Variants in ENTPD5 observed in about 807,000 individuals in gnomAD.
ENTPD5 encodes nucleoside diphosphate phosphatase ENTPD5.
ENTPD5 carries 49 observed loss-of-function variants against 60.2 expected under a neutral mutation model. That is an observed-to-expected ratio of 0.81 (90% CI 0.65 to 1.03). The LOEUF is 1.03. ENTPD5 is among the 50% of genes least tolerant of loss of function. The pLI, the probability that ENTPD5 is intolerant of heterozygous loss-of-function variation, is 0.00. For synonymous variants in ENTPD5, 187 were observed against 185.4 expected (o/e 1.01, Z -0.07); for missense variants, 480 against 507.6 (o/e 0.95, Z 0.52).
At chr14:74,012,291 AGG>A (rs78774733) in intron 2 of ENTPD5, among the ~76,000 whole-genome samples, 13,870 of 148,518 alleles carry the variant, frequency 0.093, 800 homozygotes, top group South Asian at 0.26. Flanking sequence ...TTTAGTAGAG[AGG>A]GGGGGGTTTC....
chr14:73,990,418 A>G (rs35899271), intron 3 of ENTPD5, among the ~76,000 whole-genome samples: 17,105 of 151,682 alleles, frequency 0.11, 1,256 homozygotes, highest in Admixed American at 0.19. Flanking sequence ...CACTGCAATC[A>G]TCACCTCCCG....
intron 15 of ENTPD5, among the ~76,000 whole-genome samples, chr14:73,969,133 T>C (rs1361133497): frequency 6.6e-6 from 1 of 152,248 alleles, no homozygotes; most frequent in Non-Finnish European, 1.5e-5. Flanking sequence ...GCCATGTGTG[T>C]GTGCCCCTGG....
intron 5 of ENTPD5, among the ~76,000 whole-genome samples, chr14:73,983,933 C>T (rs2057797923): frequency 6.6e-6 from 1 of 152,046 alleles, no homozygotes; most frequent in African/African-American, 2.4e-5. Context: ...TCAAGTGATC[C>T]ACCCACCTCA....
At chr14:73,956,717 T>G (rs1331151373), downstream of ENTPD5, 1 of 152,222 alleles carries the variant, frequency 6.6e-6, no homozygotes, top group African/African-American at 2.4e-5. Context: ...TATTTGTTTT[T>G]GAGTTATAGG....
downstream of ENTPD5, chr14:73,960,223 A>G (rs747172830): frequency 2.0e-6 from 2 of 987,336 alleles, no homozygotes; most frequent in Non-Finnish European, 2.4e-6. Flanking sequence ...AGCTTAGTAG[A>G]TAGATGTGGG....
intron 8 of ENTPD5, 74 bp from the exon 9 acceptor site, chr14:73,976,486 C>CGATAA: frequency 2.5e-6 from 3 of 1,195,106 alleles, no homozygotes; most frequent in Non-Finnish European, 3.7e-6. Context: ...TTGCTCTTAT[C>CGATAA]ATACACTGAA....
intron 8 of ENTPD5, 129 bp downstream of exon 8, chr14:73,976,895 C>G: frequency 1.2e-6 from 1 of 829,258 alleles, no homozygotes; most frequent in Admixed American, 2.5e-5. Context: ...GCATGAACTG[C>G]CACACCCAGC....
In ENTPD5 at chr14:74,005,364, C is replaced by CAA. The variant is rs35560902; in HGVS notation, c.-71+5725_-71+5726dup. ...TGGGTGAGAGAGCAAGACTCGGTCTCAAAAAAAAAGAAAAGAAATATAGGC... is the reference window on the plus strand; with the variant it reads ...TGGGTGAGAGAGCAAGACTCGGTCTCAAAAAAAAAAAGAAAAGAAATATAGGC... On this transcript the variant is annotated intron_variant, in intron 3 of 15. Transcript: ENST00000334696. Among the ~76,000 whole-genome samples the CAA allele has an allele frequency of 4.3e-5, 5 of 117,038 alleles. 1 individual carries two copies. In the South Asian group the frequency reaches 1.3e-3, roughly 31 times the overall value. The allele number at this position is 117,038 out of a possible 152,430, so 76.8% of individuals were successfully genotyped here.
chr14:74,006,937 T>A (rs2058696802), intron 3 of ENTPD5, among the ~76,000 whole-genome samples: 1 of 151,926 alleles, frequency 6.6e-6, no homozygotes. Flanking sequence ...AATAAATGAG[T>A]CACTGTATTT....
At chr14:73,987,398 T>G (rs932911137) in intron 4 of ENTPD5, among the ~76,000 whole-genome samples, 2 of 152,270 alleles carry the variant, frequency 1.3e-5, no homozygotes, top group African/African-American at 4.8e-5. Context: ...TTAAACCATG[T>G]GTTCTGGCCA....
intron 5 of ENTPD5, among the ~76,000 whole-genome samples, chr14:73,984,986 C>T (rs1463911278): frequency 3.9e-5 from 6 of 152,086 alleles, no homozygotes; most frequent in South Asian, 2.1e-4. Context: ...TGAGAACATG[C>T]GGTGTTTGGT....
chr14:73,971,543 G>A (rs1031917674), intron 14 of ENTPD5, among the ~76,000 whole-genome samples: 1 of 152,150 alleles, frequency 6.6e-6, no homozygotes, highest in Non-Finnish European at 1.5e-5. Flanking sequence ...TAGAGACAGA[G>A]GTCTCACTAT....
intron 2 of ENTPD5, among the ~76,000 whole-genome samples, chr14:74,015,039 C>A (rs2058972101): frequency 6.6e-6 from 1 of 151,110 alleles, no homozygotes; most frequent in South Asian, 2.1e-4. Flanking sequence ...CAAGATTGTG[C>A]CACTGCACTC....
downstream of ENTPD5, chr14:73,956,884 G>T (rs1305085905): frequency 1.3e-5 from 2 of 152,052 alleles, no homozygotes; most frequent in Non-Finnish European, 2.9e-5. Flanking sequence ...AAGATAATTT[G>T]AATCTAAAAT....
At chr14:73,977,417 A>C in intron 6 of ENTPD5, 43 bp from the exon 7 acceptor site, 1 of 1,328,846 alleles carries the variant, frequency 7.5e-7, no homozygotes, top group South Asian at 1.3e-5. Flanking sequence ...TCCCTAAGGC[A>C]ATAAAATAGA....
chr14:73,956,046 C>T (rs564127894), downstream of ENTPD5: 523 of 1,481,058 alleles, frequency 3.5e-4, 1 homozygote, highest in South Asian at 8.6e-4. Context: ...CTCTGATGGC[C>T]GGGTGCGGTG....
At chr14:73,976,915 T>C in intron 8 of ENTPD5, 109 bp downstream of exon 8, 2 of 1,064,358 alleles carry the variant, frequency 1.9e-6, no homozygotes, top group Non-Finnish European at 1.4e-6. Context: ...CCTCTTTTCC[T>C]TTTTTAAAGA....
At chr14:73,980,510 C>T (rs976876404) in intron 6 of ENTPD5, among the ~76,000 whole-genome samples, 73 of 152,214 alleles carry the variant, frequency 4.8e-4, no homozygotes, top group African/African-American at 1.5e-3. Flanking sequence ...GTGATCTGCC[C>T]GCCTTGGCCT....
intron 6 of ENTPD5, among the ~76,000 whole-genome samples, chr14:73,980,733 C>T (rs535234898): frequency 6.6e-5 from 10 of 152,328 alleles, no homozygotes; most frequent in Non-Finnish European, 2.9e-5. Flanking sequence ...TTATATTCTT[C>T]ACAACATGAA....
Sources: allele counts gnomAD v4.1 joint callset (sites outside exome capture counted in the v4.1 genomes callset), GRCh38; gene constraint gnomAD v4.1.1; transcripts MANE v1.5; gene names NCBI Gene and HGNC (gene_info 2026-07-23, HGNC 2026-07-21).